The following GAPVD1 variants were observed in gnomAD, a reference collection of about 807,000 sequenced individuals.
GAPVD1 encodes the protein GTPase-activating protein and VPS9 domain-containing protein 1.
GAPVD1 carries 35 observed loss-of-function variants against 155.5 expected under a neutral mutation model. The ratio of observed to expected loss-of-function variants is 0.23; its 90% confidence interval spans 0.17 to 0.30. GAPVD1 has a LOEUF of 0.30. GAPVD1 is among the 10% of genes least tolerant of loss of function. The pLI, the probability that GAPVD1 is intolerant of heterozygous loss-of-function variation, is 1.00. For synonymous variants in GAPVD1, 636 were observed against 619.7 expected (o/e 1.03, Z -0.39); for missense variants, 1,429 against 1,775.7 (o/e 0.80, Z 3.51).
chr9:125,344,036 A>G (rs1024842671), intron 19 of GAPVD1, among the ~76,000 whole-genome samples: 3 of 152,224 alleles, frequency 2.0e-5, no homozygotes, highest in Non-Finnish European at 4.4e-5. Flanking sequence ...GTAGAGTAGA[A>G]TAAGTCTTTT....
intron 3 of GAPVD1, among the ~76,000 whole-genome samples, chr9:125,296,653 CTTTT>C (rs34723392): frequency 8.0e-6 from 1 of 125,328 alleles, no homozygotes; most frequent in African/African-American, 3.1e-5. Flanking sequence ...TGTGCCTGGC[CTTTT>C]TTTTTTTTTT....
At position 125,298,904 on chromosome 9, in the gene GAPVD1, G is replaced by A. The variant is rs1840330012; in HGVS notation, c.-18G>A. 1.3e-6 allele frequency: 2 copies of A among 1,548,830 alleles called. No individual in the cohort carries two copies. The highest frequency in any genetic ancestry group is 2.7e-5 in the African/African-American group (2 of 73,014). ...TTTACTCTTAGTGATCAGCCTTTGA[G>A]CCTTTCCCACATTGAAGATGGTGAA... On this transcript the variant is annotated 5_prime_UTR_variant, in exon 4 of 28. Coordinates refer to ENST00000297933, the MANE Select transcript of GAPVD1 (RefSeq NM_001282680.3).
rs769976499 is a variant in GAPVD1, at chr9:125,349,509, T to G, written c.3289T>G (p.Phe1097Val). 1.2e-6 allele frequency: 2 copies of G among 1,613,964 alleles called. No individual in the cohort carries two copies. The highest frequency in any genetic ancestry group is 1.7e-6 in the Non-Finnish European group (2 of 1,179,944). Reference sequence around the variant, plus strand: ...AGCAGCCCACCCGCAGGATTCAGCTTTCTCTTACAGGTATTTCTTTTATAG... The same window carrying G: ...AGCAGCCCACCCGCAGGATTCAGCTGTCTCTTACAGGTATTTCTTTTATAG... ...SQAAHPQDSAFSYRDAKKKLR... is the reference protein window; with the variant it reads ...SQAAHPQDSAVSYRDAKKKLR... The change falls in exon 21 of 28, where the codon TTC becomes GTC. Residue 1097 changes from phenylalanine to valine, a missense_variant. Phe to Val is a conservative substitution (Grantham distance 50, BLOSUM62 -1). Coordinates refer to ENST00000297933, the MANE Select transcript of GAPVD1 (RefSeq NM_001282680.3).
intron 4 of GAPVD1, among the ~76,000 whole-genome samples, chr9:125,301,296 C>G (rs1457907084): frequency 6.6e-6 from 1 of 152,114 alleles, no homozygotes; most frequent in East Asian, 1.9e-4. Context: ...TCTTGAACTC[C>G]TGGGCTCAAG....
intron 8 of GAPVD1, chr9:125,308,276 G>C (rs1228949841): frequency 1.4e-5 from 3 of 212,204 alleles, no homozygotes; most frequent in African/African-American, 4.6e-5. Context: ...AGCCTGGGAG[G>C]TCGAGGCTGC....
At position 125,305,167 on chromosome 9, in the gene GAPVD1, T is replaced by G; in HGVS notation, c.1116+18T>G. 6.5e-7 allele frequency: 1 copy of G among 1,539,848 alleles called. No homozygotes were observed. Among genetic ancestry groups the G allele is most frequent in the African/African-American group, 1.4e-5 (1 of 73,294 alleles). On this transcript the variant is annotated intron_variant, in intron 6 of 27. Transcript: ENST00000297933. Reference sequence around the variant, plus strand: ...TTGACAAAGTAAGAATAAATATGATTTATAGAAAATTCTGAAGTATTAGTG... The same window carrying G: ...TTGACAAAGTAAGAATAAATATGATGTATAGAAAATTCTGAAGTATTAGTG...
intron 26 of GAPVD1, 157 bp downstream of exon 26, chr9:125,359,649 A>G: frequency 1.8e-6 from 1 of 564,014 alleles, no homozygotes; most frequent in East Asian, 2.9e-5. Context: ...GTTCCTGAAG[A>G]TGCTTTCAGG....
chr9:125,331,850 A>T (rs1846133202), intron 13 of GAPVD1, 76 bp from the exon 14 acceptor site: 4 of 1,381,362 alleles, frequency 2.9e-6, no homozygotes. Context: ...AGCTTTGTTT[A>T]TCTGGGTCAC....
At chr9:125,278,352 C>A (rs1364138775) in intron 2 of GAPVD1, among the ~76,000 whole-genome samples, 2 of 151,688 alleles carry the variant, frequency 1.3e-5, no homozygotes, top group African/African-American at 4.8e-5. Context: ...GAAACCCTGT[C>A]TCTACTAAAA....
intron 23 of GAPVD1, among the ~76,000 whole-genome samples, chr9:125,352,004 G>A (rs1156574419): frequency 6.6e-6 from 1 of 152,128 alleles, no homozygotes; most frequent in Admixed American, 6.5e-5. Context: ...GCCTCCCAAA[G>A]TGCTGGGATT....
chr9:125,300,130 C>T (rs1276844819), intron 4 of GAPVD1, among the ~76,000 whole-genome samples: 2 of 116,162 alleles, frequency 1.7e-5, no homozygotes, highest in African/African-American at 3.3e-5. Flanking sequence ...AGCTATTTTT[C>T]GGGTTTAGAA....
chr9:125,265,923 A>AT (rs1229856908), intron 1 of GAPVD1, among the ~76,000 whole-genome samples: 1 of 145,520 alleles, frequency 6.9e-6, no homozygotes, highest in Admixed American at 6.9e-5. Context: ...GAAAAAATTT[A>AT]TAAAAAAAAA....
At chr9:125,311,308 G>C (rs775198087) in intron 8 of GAPVD1, among the ~76,000 whole-genome samples, 2 of 151,984 alleles carry the variant, frequency 1.3e-5, no homozygotes, top group East Asian at 3.9e-4. Flanking sequence ...ATGCATTTCA[G>C]GGGGGGAAGG....
intron 1 of GAPVD1, among the ~76,000 whole-genome samples, chr9:125,268,022 G>A (rs1564242453): frequency 6.6e-6 from 1 of 151,940 alleles, no homozygotes; most frequent in Non-Finnish European, 1.5e-5. Context: ...AAATTAGCTG[G>A]GCGTGGTGGC....
At chr9:125,281,039 T>C (rs1836709055) in intron 2 of GAPVD1, among the ~76,000 whole-genome samples, 1 of 152,228 alleles carries the variant, frequency 6.6e-6, no homozygotes, top group Admixed American at 6.6e-5. Flanking sequence ...TTTTGTTTCA[T>C]GAAGTTTCTG....
At position 125,331,991 on chromosome 9, in the gene GAPVD1, A is replaced by G; in HGVS notation, c.2239A>G (p.Thr747Ala). Residue 747 changes from threonine to alanine, a missense_variant, in exon 14 of 28, where the codon ACA becomes GCA. Coordinates refer to ENST00000297933, the MANE Select transcript of GAPVD1 (RefSeq NM_001282680.3). ...GGAGAGCTGTTCTGGACTGGGTAGC[A>G]CATCTGATGATACGGATGTCAGGGA... is the stretch of plus-strand genomic sequence containing the variant. ...ELESCSGLGS[T>A]SDDTDVREVS... 6.2e-7 allele frequency: 1 copy of G among 1,613,918 alleles called. No homozygotes were observed. The highest frequency in any genetic ancestry group is 8.5e-7 in the Non-Finnish European group (1 of 1,179,830).
chr9:125,299,769 C>T (rs1349081461), intron 4 of GAPVD1, among the ~76,000 whole-genome samples: 1 of 150,248 alleles, frequency 6.7e-6, no homozygotes, highest in Admixed American at 6.7e-5. Flanking sequence ...ACCTGTAATC[C>T]TAGCACTTTG....
Position 125,272,383 on chromosome 9 carries a change from A to G in GAPVD1, c.-150+3399A>G, listed in dbSNP as rs371417259. Among the ~76,000 whole-genome samples, 18 of 152,318 alleles carry G rather than the reference A, an allele frequency of 1.2e-4. 1 individual carries two copies. The South Asian group carries it at 3.1e-3, about 26-fold the overall frequency. On this transcript the variant is annotated intron_variant, in intron 2 of 27. Transcript: ENST00000297933. ...TCTTTACTAACTCCTTTGGAACCCG[A>G]GGAATCTAACTTTGATTCCTCTAAA...
chr9:125,277,027 A>C (rs1835903026), intron 2 of GAPVD1, among the ~76,000 whole-genome samples: 1 of 152,058 alleles, frequency 6.6e-6, no homozygotes, highest in African/African-American at 2.4e-5. Context: ...TGGCCTCCCA[A>C]AGTGCTGTGA....
Sources: gnomAD v4.1 joint callset for allele counts (sites outside exome capture counted in the v4.1 genomes callset) on GRCh38, gnomAD v4.1.1 for gene constraint, MANE v1.5 for transcripts, NCBI Gene and HGNC (gene_info 2026-07-23, HGNC 2026-07-21) for gene names.